Variants in NEURL1 observed in about 807,000 individuals in gnomAD.
NEURL1 encodes the protein E3 ubiquitin-protein ligase NEURL1.
Under a neutral mutation model 41.2 loss-of-function variants are expected in NEURL1, and 26 were observed. The observed-to-expected ratio is 0.63, with a 90% CI of 0.46 to 0.87. The LOEUF (loss-of-function observed/expected upper bound fraction) is 0.87. NEURL1 is among the 40% of genes least tolerant of loss of function. The pLI is 0.00. For missense variants in NEURL1, 761 were observed against 871.1 expected (o/e 0.87, Z 1.59); for synonymous variants, 400 against 402.3 (o/e 0.99, Z 0.07).
intron 1 of NEURL1, among the ~76,000 whole-genome samples, chr10:103,554,726 C>T (rs1027312674): frequency 2.0e-5 from 3 of 152,154 alleles, no homozygotes; most frequent in African/African-American, 7.2e-5. Context: ...TTGCAAAGCC[C>T]TTGGAACAGA....
intron 1 of NEURL1, chr10:103,555,500 G>T (rs972801934): frequency 1.7e-6 from 2 of 1,150,210 alleles, no homozygotes; most frequent in South Asian, 1.3e-5. Context: ...GGGGCTGAGG[G>T]CTTGGTCATG....
intron 1 of NEURL1, among the ~76,000 whole-genome samples, chr10:103,505,152 C>G (rs1398287364): frequency 6.6e-6 from 1 of 150,392 alleles, no homozygotes; most frequent in Non-Finnish European, 1.5e-5. Flanking sequence ...CTTCTGGGCT[C>G]AAGCAATCCT....
intron 3 of NEURL1, chr10:103,577,576 G>C (rs780461450): frequency 2.0e-5 from 3 of 152,252 alleles, no homozygotes; most frequent in Non-Finnish European, 2.9e-5. Context: ...TTCTCTAGAT[G>C]TGAGTCCATC....
chr10:103,528,083 C>T (rs752114786), intron 1 of NEURL1, among the ~76,000 whole-genome samples: 29 of 152,074 alleles, frequency 1.9e-4, no homozygotes, highest in South Asian at 4.2e-4. Flanking sequence ...AGGCCAGGCA[C>T]GTTGGCTCAT....
chr10:103,518,092 T>A (rs2034258558), intron 1 of NEURL1, among the ~76,000 whole-genome samples: 1 of 152,186 alleles, frequency 6.6e-6, no homozygotes, highest in Non-Finnish European at 1.5e-5. Flanking sequence ...CCAAGAGCCA[T>A]GGACTGGGAG....
intron 1 of NEURL1, among the ~76,000 whole-genome samples, chr10:103,507,018 T>C (rs1278720774): frequency 2.6e-5 from 4 of 152,192 alleles, no homozygotes; most frequent in African/African-American, 4.8e-5. Context: ...GGCCACTGAT[T>C]CAAACATCAG....
intron 1 of NEURL1, among the ~76,000 whole-genome samples, chr10:103,537,950 G>A (rs960569954): frequency 4.6e-5 from 7 of 152,148 alleles, no homozygotes; most frequent in East Asian, 1.9e-4. Context: ...GCTGCTTTCC[G>A]TCACTATAGA....
chr10:103,522,826 C>T (rs1030671690), intron 1 of NEURL1, among the ~76,000 whole-genome samples: 1 of 152,102 alleles, frequency 6.6e-6, no homozygotes, highest in Admixed American at 6.6e-5. Context: ...TAGGAACCCT[C>T]CTAAGGCACG....
At chr10:103,548,643 A>G (rs2034972912) in intron 1 of NEURL1, among the ~76,000 whole-genome samples, 1 of 152,192 alleles carries the variant, frequency 6.6e-6, no homozygotes, top group South Asian at 2.1e-4. Flanking sequence ...TGCTATATGC[A>G]TATCCTGCAT....
At chr10:103,579,208 C>T (rs1027960649) in intron 3 of NEURL1, among the ~76,000 whole-genome samples, 2 of 152,254 alleles carry the variant, frequency 1.3e-5, no homozygotes, top group Non-Finnish European at 2.9e-5. Flanking sequence ...CCCACTCCTG[C>T]TCTTCACCAG....
rs2035202432 is a variant in NEURL1, at chr10:103,558,278, C to G, written c.86-12594C>G. On this transcript the variant is annotated intron_variant, in intron 1 of 5. Transcript: ENST00000369780. This position sits in a 1 kb window ranked among gnomAD's most constrained non-coding sequence, Gnocchi z 4.2. ...GTGAGGGGAGGGTGACAGGAGGACC[C>G]AGGACTCTGTATGTGTGTCGGGGGT... 2 of 983,750 alleles carry G rather than the reference C, an allele frequency of 2.0e-6. No homozygotes were observed. The highest frequency in any genetic ancestry group is 9.4e-5 in the South Asian group (2 of 21,206). 60.9% of individuals were successfully genotyped at this position (983,750 alleles called of 1,614,324 possible). A position where few individuals can be genotyped will look rare whatever the true frequency, so the allele number is the denominator to read the frequency against.
At chr10:103,511,063 T>A (rs1194211209) in intron 1 of NEURL1, among the ~76,000 whole-genome samples, 2 of 152,256 alleles carry the variant, frequency 1.3e-5, no homozygotes, top group East Asian at 3.9e-4. Context: ...GACTTCCCCA[T>A]CTCAGAGGCC....
intron 1 of NEURL1, among the ~76,000 whole-genome samples, chr10:103,559,403 C>T (rs1022991605): frequency 2.0e-5 from 3 of 150,830 alleles, no homozygotes; most frequent in African/African-American, 7.3e-5. Context: ...CAGTGGGTAG[C>T]GGGGAAGAGT....
intron 1 of NEURL1, among the ~76,000 whole-genome samples, chr10:103,561,900 G>C (rs901248883): frequency 6.6e-6 from 1 of 152,200 alleles, no homozygotes; most frequent in African/African-American, 2.4e-5. Flanking sequence ...GAAGGGAGCT[G>C]CTCCCTTTAT....
intron 1 of NEURL1, among the ~76,000 whole-genome samples, chr10:103,503,675 T>C (rs2033876723): frequency 6.6e-6 from 1 of 152,084 alleles, no homozygotes; most frequent in African/African-American, 2.4e-5. Flanking sequence ...ACTTCCAGCT[T>C]ACCCTTTAGT....
At chr10:103,571,180 C>T in intron 2 of NEURL1, 67 bp downstream of exon 2, 1 of 1,518,832 alleles carries the variant, frequency 6.6e-7, no homozygotes, top group Non-Finnish European at 9.0e-7. Context: ...TCCCCTGGGC[C>T]TCTGGACTCT....
chr10:103,590,100 T>C (rs1020252308), intron 5 of NEURL1, 34 bp from the exon 6 acceptor site: 13 of 1,601,204 alleles, frequency 8.1e-6, no homozygotes, highest in Non-Finnish European at 1.1e-5. Context: ...GGTTGGGCCA[T>C]GTCTCCTCCT....
chr10:103,557,871 ATCTTTTCTTT>A (rs539843351), intron 1 of NEURL1, among the ~76,000 whole-genome samples: 3 of 152,084 alleles, frequency 2.0e-5, no homozygotes, highest in Admixed American at 6.5e-5. Context: ...TGATTGTATT[ATCTTTTCTTT>A]TCTTTTCTTT....
Position 103,590,246 on chromosome 10 carries a change from C to T in NEURL1, c.1599C>T (p.Ile533=), listed in dbSNP as rs752939556. ...ATGAACACGCGGTGGACACGGTCAT[C>T]TACACATGTGGCCACATGTGCCTCT... ...ICYEHAVDTV[I]YTCGHMCLCY... Residue 533 remains isoleucine, a synonymous_variant, in exon 6 of 6, where the codon ATC becomes ATT. Transcript: ENST00000369780. 1 of 1,614,160 alleles carries T rather than the reference C, an allele frequency of 6.2e-7. No homozygotes were observed. The highest frequency in any genetic ancestry group is 1.1e-5 in the South Asian group (1 of 91,074).
Sources: allele counts gnomAD v4.1 joint callset (sites outside exome capture counted in the v4.1 genomes callset), GRCh38; gene constraint gnomAD v4.1.1; non-coding constraint Gnocchi (gnomAD v3.1); transcripts MANE v1.5; gene names NCBI Gene and HGNC (gene_info 2026-07-23, HGNC 2026-07-21).